The following MAST4 variants were observed in gnomAD, a reference collection of about 807,000 sequenced individuals.
The protein encoded by MAST4 is microtubule-associated serine/threonine-protein kinase 4.
A neutral mutation model predicts 162.7 loss-of-function variants in MAST4; 89 were observed. The ratio of observed to expected loss-of-function variants is 0.55; its 90% CI spans 0.46 to 0.65. The LOEUF is 0.65. Ranked by LOEUF, MAST4 falls within the 30% of genes least tolerant of loss-of-function variation. The pLI, the probability that MAST4 is intolerant of heterozygous loss-of-function variation, is 0.00. For missense variants in MAST4, 3,153 were observed against 3,374.0 expected (o/e 0.93, Z 1.62); for synonymous variants, 1,479 against 1,361.1 (o/e 1.09, Z -1.91).
At chr5:66,719,061 C>T (rs1017340820) in intron 1 of MAST4, among the ~76,000 whole-genome samples, 2 of 152,148 alleles carry the variant, frequency 1.3e-5, no homozygotes, top group Non-Finnish European at 2.9e-5. Context: ...ATTTCAAATG[C>T]AGAATGGTTG....
chr5:66,601,161 G>A (rs1293960696), intron 1 of MAST4, among the ~76,000 whole-genome samples: 1 of 152,194 alleles, frequency 6.6e-6, no homozygotes, highest in Non-Finnish European at 1.5e-5. Flanking sequence ...CAAAAAGCAA[G>A]CAAGAATTCA....
At chr5:67,152,985 C>T in intron 25 of MAST4, 119 bp downstream of exon 25, 1 of 831,450 alleles carries the variant, frequency 1.2e-6, no homozygotes, top group Middle Eastern at 2.4e-4. Context: ...CGACCTGTTT[C>T]ATTTTCCTTT....
chr5:67,151,078 A>T (rs1771746599), intron 24 of MAST4, among the ~76,000 whole-genome samples: 1 of 152,198 alleles, frequency 6.6e-6, no homozygotes, highest in African/African-American at 2.4e-5. Flanking sequence ...TTTGTAGATT[A>T]TTCTGCCTTT....
chr5:66,738,873 A>C (rs1752319983), intron 1 of MAST4, among the ~76,000 whole-genome samples: 1 of 152,152 alleles, frequency 6.6e-6, no homozygotes, highest in Non-Finnish European at 1.5e-5. Context: ...TTGTTGTTTA[A>C]ATTTTTGTTA....
chr5:66,856,787 C>G (rs1490250470), intron 3 of MAST4, among the ~76,000 whole-genome samples: 1 of 152,256 alleles, frequency 6.6e-6, no homozygotes, highest in African/African-American at 2.4e-5. Context: ...TTAGACTGTC[C>G]TCTTGTTTTA....
At chr5:66,658,421 GT>G (rs1447041356) in intron 1 of MAST4, among the ~76,000 whole-genome samples, 1 of 152,264 alleles carries the variant, frequency 6.6e-6, no homozygotes, top group African/African-American at 2.4e-5. Context: ...ACTGTTATGG[GT>G]TTTTTCCCCT....
chr5:66,910,741 CTTTTTT>C, intron 4 of MAST4, among the ~76,000 whole-genome samples: 1 of 20,090 alleles, frequency 5.0e-5, no homozygotes, highest in Non-Finnish European at 1.6e-4. Flanking sequence ...TTTTTTTTTT[CTTTTTT>C]TTTTTTTCTT....
chr5:66,734,208 G>A (rs886919008), intron 1 of MAST4, among the ~76,000 whole-genome samples: 3 of 152,164 alleles, frequency 2.0e-5, no homozygotes, highest in Admixed American at 6.5e-5. Context: ...GTTACTGTGT[G>A]AGGCTTCTAA....
At chr5:66,886,415 A>G (rs540167287) in intron 3 of MAST4, among the ~76,000 whole-genome samples, 1 of 152,294 alleles carries the variant, frequency 6.6e-6, no homozygotes, top group African/African-American at 2.4e-5. Flanking sequence ...ACTTGTCCAA[A>G]TAGTGTAACT....
intron 4 of MAST4, among the ~76,000 whole-genome samples, chr5:67,013,921 T>C (rs971336662): frequency 6.6e-6 from 1 of 152,212 alleles, no homozygotes; most frequent in African/African-American, 2.4e-5. Context: ...TGTAATGTTA[T>C]TTCTTATGTC....
chr5:67,154,093 C>T (rs1772183117), intron 26 of MAST4, among the ~76,000 whole-genome samples: 1 of 152,144 alleles, frequency 6.6e-6, no homozygotes. Context: ...TTAGGCCTCC[C>T]TCCCCACCAT....
intron 4 of MAST4, among the ~76,000 whole-genome samples, chr5:66,945,747 T>C (rs1743950587): frequency 6.6e-6 from 1 of 152,164 alleles, no homozygotes; most frequent in Admixed American, 6.5e-5. Flanking sequence ...GTATACCCTA[T>C]ATACAGAATC....
At chr5:67,139,227 G>A (rs73766483) in intron 19 of MAST4, among the ~76,000 whole-genome samples, 1,941 of 152,270 alleles carry the variant, frequency 0.013, 41 homozygotes, top group African/African-American at 0.044. Context: ...CAATGACAGC[G>A]TTTTGTATTT....
chr5:67,126,396 T>C (rs1221303293), intron 14 of MAST4, among the ~76,000 whole-genome samples: 1 of 152,220 alleles, frequency 6.6e-6, no homozygotes, highest in Non-Finnish European at 1.5e-5. Flanking sequence ...TTTAAGTCTT[T>C]AATCCATCTT....
intron 1 of MAST4, among the ~76,000 whole-genome samples, chr5:66,619,793 A>T (rs1319025520): frequency 6.6e-6 from 1 of 152,014 alleles, no homozygotes; most frequent in Non-Finnish European, 1.5e-5. Flanking sequence ...ATTTAGATTT[A>T]ATTTTTAAAA....
intron 3 of MAST4, among the ~76,000 whole-genome samples, chr5:66,807,687 G>A (rs1756266457): frequency 6.6e-6 from 1 of 151,888 alleles, no homozygotes; most frequent in Non-Finnish European, 1.5e-5. Flanking sequence ...AGAGGAATTT[G>A]CATTCTCATA....
chr5:66,856,834 A>G (rs1759721745), intron 3 of MAST4, among the ~76,000 whole-genome samples: 1 of 152,256 alleles, frequency 6.6e-6, no homozygotes, highest in Non-Finnish European at 1.5e-5. Context: ...TGATATGGCT[A>G]TATGTCCAGC....
chr5:66,937,427 G>A (rs577324622), intron 4 of MAST4, among the ~76,000 whole-genome samples: 14 of 152,296 alleles, frequency 9.2e-5, no homozygotes, highest in African/African-American at 3.4e-4. Flanking sequence ...TGTTAATGGT[G>A]TAATGGATCG....
At chr5:66,758,515 CAA>C (rs1458348202) in intron 1 of MAST4, among the ~76,000 whole-genome samples, 2 of 152,182 alleles carry the variant, frequency 1.3e-5, no homozygotes, top group South Asian at 2.1e-4. Context: ...CTCCTGGACT[CAA>C]GAGAGTCTCC....
Sources: gnomAD v4.1 joint callset for allele counts (sites outside exome capture counted in the v4.1 genomes callset) on GRCh38, gnomAD v4.1.1 for gene constraint, MANE v1.5 for transcripts, NCBI Gene and HGNC (gene_info 2026-07-23, HGNC 2026-07-21) for gene names.